The following ARHGAP22 variants were observed in gnomAD, a reference collection of about 807,000 sequenced individuals.
ARHGAP22 encodes Rho GTPase activating protein 22.
Under a neutral mutation model 59.1 loss-of-function variants are expected in ARHGAP22, and 48 were observed. That is an observed-to-expected ratio of 0.81 (90% CI 0.64 to 1.03). ARHGAP22 has a LOEUF of 1.03. Among genes scored for constraint, ARHGAP22 ranks in the 50% least tolerant of loss-of-function variants. ARHGAP22 has a pLI of 0.00. For synonymous variants in ARHGAP22, 445 were observed against 416.4 expected (o/e 1.07, Z -0.84); for missense variants, 1,015 against 958.7 (o/e 1.06, Z -0.78).
At chr10:48,606,852 C>A (rs1288838148), upstream of ARHGAP22, among the ~76,000 whole-genome samples, 1 of 152,184 alleles carries the variant, frequency 6.6e-6, no homozygotes, top group Non-Finnish European at 1.5e-5. Context: ...CCTGTACTGC[C>A]CCTCTTGTAC....
At chr10:48,440,752 C>T in the ARHGAP22 span, among the ~76,000 whole-genome samples, 3 of 151,938 alleles carry the variant, frequency 2.0e-5, no homozygotes, top group Non-Finnish European at 2.9e-5. Flanking sequence ...GTTTCTGAGG[C>T]GGAAAAAAAG....
intron 3 of ARHGAP22, among the ~76,000 whole-genome samples, chr10:48,490,748 T>C (rs58232058): frequency 0.031 from 4,785 of 152,264 alleles, 194 homozygotes; most frequent in African/African-American, 0.092. Context: ...AGGCGTTAAA[T>C]GCTGTCCTCG....
chr10:48,571,871 C>G (rs1335191067), intron 2 of ARHGAP22, among the ~76,000 whole-genome samples: 1 of 152,128 alleles, frequency 6.6e-6, no homozygotes, highest in Non-Finnish European at 1.5e-5. Context: ...ATTCTGTGGT[C>G]CATTCAGACA....
Position 48,604,858 on chromosome 10 carries a change from C to T in ARHGAP22, c.-62G>A. 2 of 1,612,986 alleles carry T rather than the reference C, an allele frequency of 1.2e-6. No individual in the cohort carries two copies. Among genetic ancestry groups the T allele is most frequent in the Non-Finnish European group, 1.7e-6 (2 of 1,179,858 alleles). ...TCATGCTGTCATCCACTTGCTTTTGCTCGTCCTCGCGCCTAGTCGCCCCTC... is the reference window on the plus strand; with the variant it reads ...TCATGCTGTCATCCACTTGCTTTTGTTCGTCCTCGCGCCTAGTCGCCCCTC... On this transcript the variant is annotated 5_prime_UTR_variant, in exon 1 of 10. Coordinates refer to ENST00000249601, the MANE Select transcript of ARHGAP22 (RefSeq NM_021226.4).
chr10:48,448,541 CCCTGGGGAGGGGCTCTGACCAGAGT>C (rs1662056542), intron 9 of ARHGAP22, among the ~76,000 whole-genome samples: 1 of 152,290 alleles, frequency 6.6e-6, no homozygotes, highest in Non-Finnish European at 1.5e-5. Context: ...CCCAGCAGGG[CCCTGGGGAGGGGCTCTGACCAGAGT>C]CCTGGGAGCC....
chr10:48,451,390 G>A (rs1199809523), intron 8 of ARHGAP22: 1 of 710,674 alleles, frequency 1.4e-6, no homozygotes, highest in Non-Finnish European at 2.5e-6. Context: ...GAAGCACTGT[G>A]CCTGCGCTCA....
chr10:48,556,506 A>C (rs770749325), intron 2 of ARHGAP22: 14 of 152,136 alleles, frequency 9.2e-5, no homozygotes. Flanking sequence ...GCTTCACTAC[A>C]TATTTTTGGT....
the ARHGAP22 span, chr10:48,434,768 G>A: frequency 1.3e-6 from 1 of 775,978 alleles, no homozygotes; most frequent in Non-Finnish European, 1.9e-6. Flanking sequence ...ATTATTTTTA[G>A]TGAGCCTTCG....
At chr10:48,501,344 T>C (rs1191216257) in intron 3 of ARHGAP22, among the ~76,000 whole-genome samples, 1 of 152,204 alleles carries the variant, frequency 6.6e-6, no homozygotes, top group East Asian at 1.9e-4. Context: ...AGGTTTAATA[T>C]AAAGTGACAG....
chr10:48,481,354 A>G (rs2049300062), intron 3 of ARHGAP22, among the ~76,000 whole-genome samples: 1 of 152,188 alleles, frequency 6.6e-6, no homozygotes, highest in South Asian at 2.1e-4. Context: ...GCCAGATGTC[A>G]CCAGGAAGCT....
intron 3 of ARHGAP22, among the ~76,000 whole-genome samples, chr10:48,501,060 C>A (rs2051466538): frequency 6.6e-6 from 1 of 151,916 alleles, no homozygotes; most frequent in African/African-American, 2.4e-5. Context: ...AGTTGCAAGG[C>A]AAAGAAAAGA....
chr10:48,584,426 G>A (rs2059298889), intron 1 of ARHGAP22, among the ~76,000 whole-genome samples: 1 of 152,156 alleles, frequency 6.6e-6, no homozygotes, highest in Admixed American at 6.5e-5. Flanking sequence ...CTTCCTCCAT[G>A]GAGGCTTCCT....
Position 48,459,813 on chromosome 10 carries a change from T to A in ARHGAP22, c.530A>T (p.Glu177Val). The A allele has an allele frequency of 6.2e-7, 1 of 1,613,650 alleles. No homozygotes were observed. The stretch of plus-strand genomic sequence containing the variant: ...CTCCCGGATGAAGTCCACACACTGC[T>A]CCACCAGCAGGGGCGCCAGGCGGGG... ...YGPRLAPLLVEQCVDFIRERG... is the reference protein window; with the variant it reads ...YGPRLAPLLVVQCVDFIRERG... Residue 177 changes from glutamate to valine, a missense_variant, in exon 5 of 10, where the codon GAG (glutamate) becomes GTG (valine). By Grantham distance (121) the Glu-to-Val change is moderately radical (BLOSUM62 -2). Transcript: ENST00000249601.
At chr10:48,613,930 A>G (rs2060987411) in intron 1 of ARHGAP22, among the ~76,000 whole-genome samples, 3 of 152,236 alleles carry the variant, frequency 2.0e-5, no homozygotes. Context: ...GGATTGTTAT[A>G]AAAGCAGGGT....
chr10:48,510,154 T>C lies in ARHGAP22; in HGVS notation c.323-30390A>G, dbSNP rs561731864. 3.9e-5 allele frequency among the ~76,000 whole-genome samples: 6 copies of C among 152,290 alleles called. No homozygotes were observed. The East Asian group carries it at 7.7e-4, about 20-fold the overall frequency. On this transcript the variant is annotated intron_variant, in intron 3 of 9. Coordinates refer to ENST00000249601, the MANE Select transcript of ARHGAP22 (RefSeq NM_021226.4). ...GGACAGCTGAGAACCCAGGGCACAG[T>C]AAGCCCTCAGCAAATGTTGGCCTCT...
intron 1 of ARHGAP22, among the ~76,000 whole-genome samples, chr10:48,632,686 C>G (rs1425613635): frequency 6.6e-6 from 1 of 152,196 alleles, no homozygotes; most frequent in East Asian, 1.9e-4. Flanking sequence ...AGAGTGCACA[C>G]AGGTCTTCAC....
Position 48,633,012 on chromosome 10 carries a change from C to T in ARHGAP22, c.52+19222G>A, listed in dbSNP as rs149448548. ...CTGCCAGAGGACATCACCTGCCACA[C>T]GGAGGACATCAGTGGACAGTTCCCT... On this transcript the variant is annotated intron_variant, in intron 1 of 9. Coordinates refer to the ARHGAP22 transcript ENST00000435790. Among the ~76,000 whole-genome samples, 501 of 152,248 alleles carry T rather than the reference C, an allele frequency of 3.3e-3. 5 individuals are homozygous for T. The highest frequency in any genetic ancestry group is 0.011 in the African/African-American group (437 of 41,514).
In ARHGAP22 at chr10:48,453,421, G is replaced by T. The variant is rs1464903954; in HGVS notation, c.871C>A (p.Leu291Met). The change falls in exon 8 of 10, where the codon CTG (leucine) becomes ATG (methionine). Residue 291 changes from leucine (L) to methionine (M), a missense_variant. By Grantham distance (15) the Leu-to-Met change is conservative. Coordinates refer to ENST00000249601, the MANE Select transcript of ARHGAP22 (RefSeq NM_021226.4). ...TTTGAGTATGCCTGAACTTCATCCAGAAACCTGCAAAGTAAGGAAGCAGCA... is the reference window on the plus strand; with the variant it reads ...TTTGAGTATGCCTGAACTTCATCCATAAACCTGCAAAGTAAGGAAGCAGCA... ...YNLLRYICKF[L>M]DEVQAYSNVN... The T allele has an allele frequency of 4.3e-6, 7 of 1,613,794 alleles. No homozygotes were observed. The highest frequency in any genetic ancestry group is 1.1e-5 in the South Asian group (1 of 91,078).
intron 3 of ARHGAP22, chr10:48,510,704 TCA>T (rs1186165339): frequency 6.6e-6 from 1 of 152,396 alleles, no homozygotes; most frequent in East Asian, 1.9e-4. Flanking sequence ...TGTGCTCAAG[TCA>T]CACAGACTAA....
Sources: gnomAD v4.1 joint callset for allele counts (sites outside exome capture counted in the v4.1 genomes callset) on GRCh38, gnomAD v4.1.1 for gene constraint, MANE v1.5 for transcripts, NCBI Gene and HGNC (gene_info 2026-07-23, HGNC 2026-07-21) for gene names.